RSBN1: variants seen among roughly 807,000 people sequenced by gnomAD.
RSBN1 encodes the protein lysine-specific demethylase 9.
RSBN1 carries 23 observed loss-of-function variants against 74.8 expected under a neutral mutation model. The observed-to-expected ratio is 0.31, with a 90% CI of 0.22 to 0.44. RSBN1 has a LOEUF of 0.44. Among genes scored for constraint, RSBN1 ranks in the 20% least tolerant of loss-of-function variants. The pLI is 1.00. For synonymous variants in RSBN1, 407 were observed against 379.6 expected, an observed-to-expected ratio of 1.07 and a Z score of -0.84; for missense variants, 808 against 1,020.9, an observed-to-expected ratio of 0.79 and a Z score of 2.84.
intron 4 of RSBN1, among the ~76,000 whole-genome samples, chr1:113,769,996 AT>A (rs946616917): frequency 6.6e-6 from 1 of 152,086 alleles, no homozygotes; most frequent in Non-Finnish European, 1.5e-5. Flanking sequence ...CAGAACCCTA[AT>A]TTTTATTAGG....
At chr1:113,779,545 T>C (rs1174344007) in intron 2 of RSBN1, among the ~76,000 whole-genome samples, 1 of 152,092 alleles carries the variant, frequency 6.6e-6, no homozygotes, top group African/African-American at 2.4e-5. Context: ...CATCATGCCA[T>C]AAAAAGCCAG....
intron 4 of RSBN1, among the ~76,000 whole-genome samples, chr1:113,771,120 G>C (rs1422849561): frequency 6.6e-6 from 1 of 152,030 alleles, no homozygotes; most frequent in South Asian, 2.1e-4. Context: ...GATGCTATAA[G>C]CTTGCAGACA....
chr1:113,805,366 C>T (rs1183828921), intron 1 of RSBN1, among the ~76,000 whole-genome samples: 1 of 152,138 alleles, frequency 6.6e-6, no homozygotes, highest in Admixed American at 6.5e-5. Flanking sequence ...GCATGAGCCA[C>T]CGCGCCCGGC....
chr1:113,775,197 G>C (rs1659999033), intron 4 of RSBN1, among the ~76,000 whole-genome samples: 1 of 151,490 alleles, frequency 6.6e-6, no homozygotes, highest in African/African-American at 2.4e-5. Context: ...GCTAATTTTT[G>C]TATTTTTAGT....
intron 1 of RSBN1, among the ~76,000 whole-genome samples, chr1:113,803,488 C>T (rs961962897): frequency 1.3e-5 from 2 of 152,152 alleles, no homozygotes; most frequent in Admixed American, 6.5e-5. Flanking sequence ...TATCTTTTTG[C>T]AAGTTAATTC....
intron 4 of RSBN1, among the ~76,000 whole-genome samples, chr1:113,775,169 C>T (rs1935838): frequency 0.25 from 37,427 of 151,206 alleles, 5,283 homozygotes; most frequent in East Asian, 0.61. Context: ...GGATAACAGG[C>T]GGCTGCCACC....
At chr1:113,792,230 T>C (rs939237497) in intron 2 of RSBN1, among the ~76,000 whole-genome samples, 1 of 152,208 alleles carries the variant, frequency 6.6e-6, no homozygotes, top group Non-Finnish European at 1.5e-5. Flanking sequence ...CTCCTCTCCA[T>C]GTACATCCTT....
chr1:113,772,288 A>G (rs1365264867), intron 4 of RSBN1, among the ~76,000 whole-genome samples: 4 of 152,134 alleles, frequency 2.6e-5, no homozygotes, highest in African/African-American at 9.7e-5. Flanking sequence ...ATGTAAGAGG[A>G]CGGAATACCT....
At chr1:113,799,746 T>C (rs1287455309) in intron 1 of RSBN1, among the ~76,000 whole-genome samples, 2 of 152,206 alleles carry the variant, frequency 1.3e-5, no homozygotes, top group Non-Finnish European at 1.5e-5. Context: ...TTTTATAATT[T>C]AAAAACTTAT....
intron 2 of RSBN1, among the ~76,000 whole-genome samples, chr1:113,793,988 G>T (rs767554028): frequency 6.6e-6 from 1 of 152,012 alleles, no homozygotes; most frequent in Non-Finnish European, 1.5e-5. Context: ...ATTTCTAACC[G>T]TAAATTCCCA....
chr1:113,768,639 T>C (rs1403227842), intron 4 of RSBN1, among the ~76,000 whole-genome samples: 1 of 152,174 alleles, frequency 6.6e-6, no homozygotes, highest in Non-Finnish European at 1.5e-5. Flanking sequence ...GGCTCAAATG[T>C]AGTGCTTCTG....
intron 1 of RSBN1, among the ~76,000 whole-genome samples, chr1:113,811,267 A>G (rs929205744): frequency 5.3e-5 from 8 of 152,228 alleles, no homozygotes; most frequent in African/African-American, 1.9e-4. Context: ...TAACCTTTAT[A>G]TGAATTCCCT....
At chr1:113,798,064 G>T in intron 1 of RSBN1, 28 bp from the exon 2 acceptor site, 1 of 1,568,098 alleles carries the variant, frequency 6.4e-7, no homozygotes, top group Non-Finnish European at 8.6e-7. Context: ...AAAGAAGTTA[G>T]TTGCTAGGAC....
intron 5 of RSBN1, 67 bp downstream of exon 5, chr1:113,768,155 T>C: frequency 4.4e-6 from 6 of 1,363,448 alleles, no homozygotes; most frequent in African/African-American, 1.5e-5. Flanking sequence ...TCCTAAACCT[T>C]TTAAATAGAG....
intron 2 of RSBN1, among the ~76,000 whole-genome samples, chr1:113,792,528 C>T (rs1660387279): frequency 1.3e-5 from 2 of 152,180 alleles, no homozygotes; most frequent in Admixed American, 1.3e-4. Context: ...CATAGTGAGA[C>T]TCTGGCTCTA....
chr1:113,792,638 CAAGTT>C (rs1350338309), intron 2 of RSBN1, among the ~76,000 whole-genome samples: 1 of 152,148 alleles, frequency 6.6e-6, no homozygotes, highest in African/African-American at 2.4e-5. Flanking sequence ...AAGCGAAGAA[CAAGTT>C]GAGTTCCACC....
intron 1 of RSBN1, among the ~76,000 whole-genome samples, chr1:113,802,570 C>G (rs1467024569): frequency 6.6e-6 from 1 of 152,172 alleles, no homozygotes; most frequent in Non-Finnish European, 1.5e-5. Context: ...TTAACACTGC[C>G]TTACTTTACC....
At position 113,797,772 on chromosome 1, in the gene RSBN1, C is replaced by T. The variant is rs560280590; in HGVS notation, c.968G>A (p.Gly323Asp). The T allele has an allele frequency of 3.7e-5, 59 of 1,613,914 alleles. No individual in the cohort carries two copies. Among genetic ancestry groups the T allele is most frequent in the Non-Finnish European group, 4.5e-5 (53 of 1,179,996 alleles). The change falls in exon 2 of 7, where the codon GGT becomes GAT. Residue 323 changes from glycine (G) to aspartate (D), a missense_variant. Physicochemically the swap from Gly to Asp is moderately conservative, Grantham distance 94 (BLOSUM62 -1). Around this residue, in one of 6 missense-constraint regions of RSBN1, gnomAD observed 85 missense variants for 126.2 expected, o/e 0.67. Coordinates refer to ENST00000261441, the MANE Select transcript of RSBN1 (RefSeq NM_018364.5). ...CTGGGGTACCCGATATTCTTGCATACCCAAATTTAATCGGCACAGCTGTTC... is the reference window on the plus strand; with the variant it reads ...CTGGGGTACCCGATATTCTTGCATATCCAAATTTAATCGGCACAGCTGTTC... ...KDEQLCRLNL[G>D]MQEYRVPQGV...
At chr1:113,804,506 G>A (rs997692917) in intron 1 of RSBN1, among the ~76,000 whole-genome samples, 10 of 151,958 alleles carry the variant, frequency 6.6e-5, no homozygotes, top group Admixed American at 1.3e-4. Flanking sequence ...CTTCCTTTCC[G>A]CCTCCACTAT....
Sources: gnomAD v4.1 joint callset for allele counts (sites outside exome capture counted in the v4.1 genomes callset) on GRCh38, gnomAD v4.1.1 for gene constraint, gnomAD v4.1.1 regional missense constraint, MANE v1.5 for transcripts, NCBI Gene and HGNC (gene_info 2026-07-23, HGNC 2026-07-21) for gene names.